Variants in FAT2 observed in about 807,000 individuals in gnomAD.
The protein encoded by FAT2 is FAT atypical cadherin 2.
A neutral mutation model predicts 295.3 loss-of-function variants in FAT2; 150 were observed. The observed-to-expected ratio is 0.51, with a 90% CI of 0.44 to 0.58. FAT2 has a LOEUF of 0.58. Ranked by LOEUF, FAT2 falls within the 20% of genes least tolerant of loss-of-function variation. FAT2 has a pLI of 0.00. For missense variants in FAT2, 4,868 were observed against 5,442.7 expected, an observed-to-expected ratio of 0.89 and a Z score of 3.32; for synonymous variants, 2,026 against 2,150.3, an observed-to-expected ratio of 0.94 and a Z score of 1.60.
At chr5:151,570,196 T>A (rs1305580488) in intron 1 of FAT2, among the ~76,000 whole-genome samples, 10 of 152,244 alleles carry the variant, frequency 6.6e-5, no homozygotes, top group Non-Finnish European at 1.5e-4. Flanking sequence ...AGACCAGGGT[T>A]GCCTCCTTGC....
intron 4 of FAT2, among the ~76,000 whole-genome samples, chr5:151,555,066 T>C (rs1237809118): frequency 6.6e-6 from 1 of 152,156 alleles, no homozygotes; most frequent in East Asian, 1.9e-4. Flanking sequence ...AGGGAATGAG[T>C]GGTACTTTTT....
intron 3 of FAT2, among the ~76,000 whole-genome samples, chr5:151,559,201 C>T (rs1442233833): frequency 6.6e-6 from 1 of 152,136 alleles, no homozygotes; most frequent in Admixed American, 6.5e-5. Flanking sequence ...TGGGCTCTGT[C>T]GGGGGCGTGT....
In FAT2 at chr5:151,542,713, A is replaced by G; in HGVS notation, c.8414T>C (p.Val2805Ala). 6.2e-7 allele frequency: 1 copy of G among 1,614,228 alleles called. No homozygotes were observed. The highest frequency in any genetic ancestry group is 1.1e-5 in the South Asian group (1 of 91,086). ...PVFEADPYKAVLTENMPVGTS... is the reference protein window; with the variant it reads ...PVFEADPYKAALTENMPVGTS... Reference sequence around the variant, plus strand: ...CCCCACTGGCATATTCTCAGTGAGGACAGCCTTATATGGATCAGCCTCAAA... The same window carrying G: ...CCCCACTGGCATATTCTCAGTGAGGGCAGCCTTATATGGATCAGCCTCAAA... Residue 2805 changes from valine (V) to alanine (A), a missense_variant, in exon 10 of 24, where the codon GTC becomes GCC. Val to Ala is a moderately conservative substitution (Grantham distance 64). Coordinates refer to ENST00000261800, the MANE Select transcript of FAT2 (RefSeq NM_001447.3).
In FAT2 at chr5:151,566,488, T is replaced by C. The variant is rs1400895068; in HGVS notation, c.2444A>G (p.Asp815Gly). The C allele has an allele frequency of 1.9e-6, 3 of 1,613,998 alleles. No individual in the cohort carries two copies. The highest frequency in any genetic ancestry group is 2.5e-6 in the Non-Finnish European group (3 of 1,179,966). Reference sequence around the variant, plus strand: ...ACCGGGAGGAAATCTGGGTGCGTTGTCATTCCAGTCTTTCACATTCACTGT... The same window carrying C: ...ACCGGGAGGAAATCTGGGTGCGTTGCCATTCCAGTCTTTCACATTCACTGT... ...LLTVNVKDWNDNAPRFPPGGY... is the reference protein window; with the variant it reads ...LLTVNVKDWNGNAPRFPPGGY... Residue 815 changes from aspartate (D) to glycine (G), a missense_variant, in exon 2 of 24, where the codon GAC becomes GGC. Physicochemically the swap from Asp to Gly is moderately conservative, Grantham distance 94. Coordinates refer to ENST00000261800, the MANE Select transcript of FAT2 (RefSeq NM_001447.3).
intron 2 of FAT2, among the ~76,000 whole-genome samples, chr5:151,563,937 C>T (rs1758136177): frequency 6.6e-6 from 1 of 152,204 alleles, no homozygotes; most frequent in Non-Finnish European, 1.5e-5. Context: ...TATCTACTTT[C>T]TCTTGGCTAC....
At chr5:151,585,106 C>G (rs1166249972) in intron 1 of FAT2, among the ~76,000 whole-genome samples, 1 of 152,206 alleles carries the variant, frequency 6.6e-6, no homozygotes. Flanking sequence ...CTGGACCTCT[C>G]TAATAATTGG....
intron 1 of FAT2, among the ~76,000 whole-genome samples, chr5:151,572,349 A>C (rs1367706294): frequency 1.3e-5 from 2 of 152,224 alleles, no homozygotes; most frequent in Non-Finnish European, 2.9e-5. Context: ...AGAGCCTTTC[A>C]TGATCATTCC....
intron 1 of FAT2, among the ~76,000 whole-genome samples, chr5:151,570,419 C>A (rs1361653932): frequency 6.6e-6 from 1 of 152,226 alleles, no homozygotes; most frequent in Non-Finnish European, 1.5e-5. Flanking sequence ...AGTCAAGCTC[C>A]AAGTCACACA....
Position 151,531,818 on chromosome 5 carries a change from T to G in FAT2, c.9580A>C (p.Thr3194Pro), listed in dbSNP as rs757392043. The change falls in exon 14 of 24, where the codon ACC becomes CCC. Residue 3194 changes from threonine to proline, a missense_variant. By Grantham distance (38) the Thr-to-Pro change is conservative. Transcript: ENST00000261800. This position sits in a 1 kb window ranked among gnomAD's most constrained non-coding sequence, Gnocchi z 5.7. ...ELTVRASDLG[T>P]PIPLSTLGTV... ...CCCAGCGTGGACAGCGGTATTGGGG[T>G]GCCCAGGTCAGAGGCACGGACCGTG... is the stretch of plus-strand genomic sequence containing the variant. 1 of 1,612,820 alleles carries G rather than the reference T, an allele frequency of 6.2e-7. No homozygotes were observed. Among genetic ancestry groups the G allele is most frequent in the Non-Finnish European group, 8.5e-7 (1 of 1,179,912 alleles).
Position 151,521,950 on chromosome 5 carries a change from C to T in FAT2, c.10643G>A (p.Gly3548Asp), listed in dbSNP as rs1406900114. 1 of 1,614,160 alleles carries T rather than the reference C, an allele frequency of 6.2e-7. No homozygotes were observed. Among genetic ancestry groups the T allele is most frequent in the Non-Finnish European group, 8.5e-7 (1 of 1,180,034 alleles). Residue 3548 changes from glycine to aspartate, a missense_variant, in exon 19 of 24, where the codon GGC (glycine) becomes GAC (aspartate). Coordinates refer to ENST00000261800, the MANE Select transcript of FAT2 (RefSeq NM_001447.3). ...ITVGEDEFQG[G>D]MVGKIHATDR... ...TGTGGCATGGATCTTACCCACCATG[C>T]CACCCTGGAACTCATCCTCTCCAAC...
intron 20 of FAT2, among the ~76,000 whole-genome samples, chr5:151,515,381 C>T (rs777396421): frequency 1.4e-4 from 22 of 152,188 alleles, no homozygotes; most frequent in Non-Finnish European, 2.8e-4. Context: ...TCTCCCATCT[C>T]ATGGCTTTCA....
chr5:151,567,435 T>C lies in FAT2; in HGVS notation c.1497A>G (p.Gly499=). The C allele has an allele frequency of 6.2e-7, 1 of 1,614,178 alleles. No homozygotes were observed. Among genetic ancestry groups the C allele is most frequent in the South Asian group, 1.1e-5 (1 of 91,074 alleles). The stretch of plus-strand genomic sequence containing the variant: ...CAATAGAAAATGGCAAAGCTTTTGG[T>C]CCAGCAATGGAATAGGTGACATATC... ...ENGYVTYSIA[G]PKALPFSIDP... is the part of the protein sequence containing the mutation. Residue 499 remains glycine (G), a synonymous_variant, in exon 2 of 24, where the codon GGA becomes GGG. Transcript: ENST00000261800.
Position 151,510,038 on chromosome 5 carries a change from A to T in FAT2, c.12042T>A (p.His4014Gln), listed in dbSNP as rs1321220681. 1 of 1,613,932 alleles carries T rather than the reference A, an allele frequency of 6.2e-7. No homozygotes were observed. Among genetic ancestry groups the T allele is most frequent in the Non-Finnish European group, 8.5e-7 (1 of 1,180,006 alleles). The change falls in exon 22 of 24, where the codon CAT becomes CAA. Residue 4014 changes from histidine to glutamine, a missense_variant. By Grantham distance (24) the His-to-Gln change is conservative. Coordinates refer to ENST00000261800, the MANE Select transcript of FAT2 (RefSeq NM_001447.3). ...SPKGASCNCP[H>Q]PYTGDRCEME... ...GGGATTACCTGTCTCCTGTGTAAGG[A>T]TGAGGGCAGTTACAGGAAGCTCCTT...
rs1316646859 is a variant in FAT2, at chr5:151,543,408, G to C, written c.7719C>G (p.Ile2573Met). 6.2e-7 allele frequency: 1 copy of C among 1,614,044 alleles called. No homozygotes were observed. Among genetic ancestry groups the C allele is most frequent in the African/African-American group, 1.3e-5 (1 of 74,924 alleles). ...GGTTGTCATTTTCATCTGTGAGGAT[G>C]ATCTTCACCGTGCAGAAGGCTACTC... is the stretch of plus-strand genomic sequence containing the variant. Reference protein sequence around the residue: ...GGRVAFCTVKIILTDENDNPP... With the variant: ...GGRVAFCTVKMILTDENDNPP... Residue 2573 changes from isoleucine to methionine, a missense_variant, in exon 10 of 24, where the codon ATC becomes ATG. Ile to Met is a conservative substitution (Grantham distance 10). Around this residue, in one of 5 missense-constraint regions of FAT2, gnomAD observed 3,297 missense variants for 3,669.4 expected, o/e 0.90. Transcript: ENST00000261800.
chr5:151,556,271 A>C, intron 4 of FAT2, 73 bp downstream of exon 4: 1 of 1,244,200 alleles, frequency 8.0e-7, no homozygotes, highest in Non-Finnish European at 1.2e-6. Context: ...CCACAGTGCT[A>C]GACATGCACG....
intron 14 of FAT2, among the ~76,000 whole-genome samples, chr5:151,530,989 G>A (rs1014895134): frequency 6.6e-6 from 1 of 152,214 alleles, no homozygotes; most frequent in Non-Finnish European, 1.5e-5. Flanking sequence ...GAGCCATGGG[G>A]AGGAATCTGT....
chr5:151,528,467 T>C (rs1167994146), intron 15 of FAT2, among the ~76,000 whole-genome samples: 1 of 152,176 alleles, frequency 6.6e-6, no homozygotes, highest in Non-Finnish European at 1.5e-5. Context: ...TGATCAGCCT[T>C]ATAAGAGCAC....
intron 7 of FAT2, 45 bp from the exon 8 acceptor site, chr5:151,550,916 G>A (rs1287257917): frequency 6.3e-7 from 1 of 1,586,906 alleles, no homozygotes; most frequent in East Asian, 2.2e-5. Flanking sequence ...AGCCCCAGGG[G>A]AACAGGGACT....
intron 1 of FAT2, among the ~76,000 whole-genome samples, chr5:151,584,849 G>T (rs969261261): frequency 6.6e-6 from 1 of 152,154 alleles, no homozygotes; most frequent in African/African-American, 2.4e-5. Flanking sequence ...TGGCTACCAA[G>T]TCCAGTTAGA....
Sources: allele counts gnomAD v4.1 joint callset (sites outside exome capture counted in the v4.1 genomes callset), GRCh38; gene constraint gnomAD v4.1.1; regional missense constraint gnomAD v4.1.1; non-coding constraint Gnocchi (gnomAD v3.1); transcripts MANE v1.5; gene names NCBI Gene and HGNC (gene_info 2026-07-23, HGNC 2026-07-21).